The following NPAS3 variants were observed in gnomAD, a reference collection of about 807,000 sequenced individuals.
NPAS3 encodes the protein neuronal PAS domain-containing protein 3.
In NPAS3, 14 loss-of-function variants were observed where a neutral mutation model predicts 73.1. The observed-to-expected ratio is 0.19, with a 90% CI of 0.13 to 0.30. NPAS3 has a LOEUF of 0.30. Ranked by LOEUF, NPAS3 falls within the 10% of genes least tolerant of loss-of-function variation. NPAS3 has a pLI of 1.00. For synonymous variants in NPAS3, 620 were observed against 541.5 expected (o/e 1.14, Z -2.01); for missense variants, 1,096 against 1,250.0 (o/e 0.88, Z 1.86).
At chr14:33,407,559 T>C (rs1179215558) in intron 4 of NPAS3, among the ~76,000 whole-genome samples, 1 of 152,314 alleles carries the variant, frequency 6.6e-6, no homozygotes, top group East Asian at 1.9e-4. Flanking sequence ...AGTGATGGCA[T>C]ATGGTGTAAT....
At chr14:33,674,472 T>G (rs1008730537) in intron 5 of NPAS3, among the ~76,000 whole-genome samples, 3 of 152,226 alleles carry the variant, frequency 2.0e-5, no homozygotes, top group African/African-American at 7.2e-5. Context: ...TCCATTTAAT[T>G]TCTTAATTGC....
chr14:33,405,956 G>GA (rs1409297732), intron 4 of NPAS3, among the ~76,000 whole-genome samples: 2 of 151,972 alleles, frequency 1.3e-5, no homozygotes, highest in Non-Finnish European at 2.9e-5. Context: ...GCCCTGAGGG[G>GA]AAAAAAGCGG....
At chr14:33,723,543 G>A (rs2061174793) in intron 6 of NPAS3, among the ~76,000 whole-genome samples, 2 of 151,924 alleles carry the variant, frequency 1.3e-5, no homozygotes, top group South Asian at 4.2e-4. Context: ...CCCTCACTGA[G>A]ACCTTTCTTT....
chr14:32,939,114 GGCC>G (rs536218835), upstream of NPAS3: 125,667 of 148,856 alleles, frequency 0.84, 53,521 homozygotes, highest in Middle Eastern at 0.92. Context: ...TCAGCAGCAC[GGCC>G]GCCGCCGCCG....
At chr14:32,950,562 A>T (rs913289790) in intron 1 of NPAS3, among the ~76,000 whole-genome samples, 3 of 152,132 alleles carry the variant, frequency 2.0e-5, no homozygotes, top group African/African-American at 7.2e-5. Flanking sequence ...AAAGTTAGGT[A>T]TATCTACATT....
chr14:33,705,580 C>G (rs990980839), intron 6 of NPAS3, among the ~76,000 whole-genome samples: 1 of 152,126 alleles, frequency 6.6e-6, no homozygotes, highest in Admixed American at 6.5e-5. Context: ...GTTGAAGCCT[C>G]TAATAATACA....
In NPAS3 at chr14:33,558,448, G is replaced by A. The variant is rs1211717183; in HGVS notation, c.469-1673G>A. ...TAATTTTTGTATTTTTAGTAGAGAT[G>A]GGGTTTCCACCATGTTGGCCATGCT... On this transcript the variant is annotated intron_variant, in intron 4 of 11. Coordinates refer to ENST00000356141, the Ensembl canonical transcript of NPAS3. 3.3e-5 allele frequency among the ~76,000 whole-genome samples: 5 copies of A among 151,984 alleles called. 1 individual carries two copies. Among genetic ancestry groups the A allele is most frequent in the Admixed American group, 3.3e-4 (5 of 15,262 alleles).
At chr14:33,327,114 A>G (rs1468268412) in intron 3 of NPAS3, among the ~76,000 whole-genome samples, 2 of 152,232 alleles carry the variant, frequency 1.3e-5, no homozygotes, top group Non-Finnish European at 2.9e-5. Context: ...AATTGCTGCA[A>G]TTTGGCAAAA....
At chr14:33,734,278 T>TAA (rs1227618822) in intron 6 of NPAS3, among the ~76,000 whole-genome samples, 1 of 152,146 alleles carries the variant, frequency 6.6e-6, no homozygotes, top group East Asian at 1.9e-4. Flanking sequence ...ACCCCAAAAT[T>TAA]AATTTCTTTG....
intron 2 of NPAS3, among the ~76,000 whole-genome samples, chr14:33,124,358 A>T (rs995585078): frequency 1.3e-5 from 2 of 152,128 alleles, no homozygotes; most frequent in South Asian, 4.2e-4. Flanking sequence ...GAAGGCAGAG[A>T]CTCGGAAGCC....
intron 2 of NPAS3, among the ~76,000 whole-genome samples, chr14:33,142,284 C>T (rs1168285176): frequency 7.2e-6 from 1 of 139,780 alleles, no homozygotes; most frequent in African/African-American, 2.6e-5. Context: ...GGAATACTTC[C>T]CTATCCAAAC....
At chr14:33,116,795 C>T (rs1207825525) in intron 2 of NPAS3, among the ~76,000 whole-genome samples, 3 of 150,884 alleles carry the variant, frequency 2.0e-5, no homozygotes, top group African/African-American at 2.4e-5. Context: ...AGAAGCAGCA[C>T]GCAACCACTT....
At chr14:33,659,274 A>T (rs961261314) in intron 5 of NPAS3, among the ~76,000 whole-genome samples, 3 of 152,214 alleles carry the variant, frequency 2.0e-5, no homozygotes, top group African/African-American at 7.2e-5. Context: ...TCTTTACTTT[A>T]TAACAGAGGA....
At chr14:33,628,974 G>A (rs1005518218) in intron 5 of NPAS3, among the ~76,000 whole-genome samples, 13 of 152,020 alleles carry the variant, frequency 8.6e-5, no homozygotes, top group Non-Finnish European at 1.5e-4. Context: ...GCTCACGCCT[G>A]TAATCCCAGC....
chr14:33,155,471 G>C (rs2044612874), intron 2 of NPAS3, among the ~76,000 whole-genome samples: 1 of 152,174 alleles, frequency 6.6e-6, no homozygotes, highest in African/African-American at 2.4e-5. Flanking sequence ...GTTCACTGCA[G>C]CTTCGAATTC....
intron 2 of NPAS3, among the ~76,000 whole-genome samples, chr14:33,126,211 A>G (rs1401122395): frequency 6.6e-6 from 1 of 152,170 alleles, no homozygotes; most frequent in Non-Finnish European, 1.5e-5. Context: ...TTTCTTTGAT[A>G]TCAACCACTA....
At chr14:33,796,294 G>A (rs748611637) in intron 10 of NPAS3, among the ~76,000 whole-genome samples, 1 of 152,024 alleles carries the variant, frequency 6.6e-6, no homozygotes, top group African/African-American at 2.4e-5. Flanking sequence ...CCATTCCCTC[G>A]TGATACTTAA....
intron 1 of NPAS3, among the ~76,000 whole-genome samples, chr14:33,026,357 A>T (rs1274993834): frequency 2.0e-5 from 3 of 152,126 alleles, no homozygotes; most frequent in African/African-American, 7.2e-5. Context: ...TCTTCACTAA[A>T]TGTAAACCTT....
At chr14:33,632,362 C>G (rs1342565823) in intron 5 of NPAS3, among the ~76,000 whole-genome samples, 1 of 152,144 alleles carries the variant, frequency 6.6e-6, no homozygotes, top group Non-Finnish European at 1.5e-5. Flanking sequence ...AGTTTTGATG[C>G]AGGTGGTCTT....
Sources: gnomAD v4.1 joint callset for allele counts (sites outside exome capture counted in the v4.1 genomes callset) on GRCh38, gnomAD v4.1.1 for gene constraint, MANE v1.5 for transcripts, NCBI Gene and HGNC (gene_info 2026-07-23, HGNC 2026-07-21) for gene names.